The following UBASH3B variants were observed in gnomAD, a reference collection of about 807,000 sequenced individuals.
UBASH3B encodes the protein ubiquitin associated and SH3 domain containing B.
UBASH3B carries 37 observed loss-of-function variants against 83.4 expected under a neutral mutation model. That is an observed-to-expected ratio of 0.44 (90% CI 0.34 to 0.58). The LOEUF (loss-of-function observed/expected upper bound fraction) is 0.58. Ranked by LOEUF, UBASH3B falls within the 20% of genes least tolerant of loss-of-function variation. The pLI is 0.01. For missense variants in UBASH3B, 657 were observed against 827.2 expected (o/e 0.79, Z 2.52); for synonymous variants, 304 against 318.3 (o/e 0.96, Z 0.48).
intron 1 of UBASH3B, among the ~76,000 whole-genome samples, chr11:122,744,559 T>G (rs1861080601): frequency 6.6e-6 from 1 of 151,910 alleles, no homozygotes; most frequent in African/African-American, 2.4e-5. Context: ...TGTCTAAGAG[T>G]GCCTGTGTGG....
chr11:122,716,033 C>T (rs1000635469), intron 1 of UBASH3B, among the ~76,000 whole-genome samples: 1 of 152,242 alleles, frequency 6.6e-6, no homozygotes. Flanking sequence ...GGATTAGAGG[C>T]AGCAGGGACT....
intron 1 of UBASH3B, among the ~76,000 whole-genome samples, chr11:122,690,283 CAT>C (rs886335245): frequency 2.5e-4 from 25 of 100,954 alleles, no homozygotes; most frequent in Admixed American, 1.6e-3. Flanking sequence ...TCCAATTATA[CAT>C]ATATATATCT....
chr11:122,736,870 T>G (rs1008090292), intron 1 of UBASH3B, among the ~76,000 whole-genome samples: 1 of 151,722 alleles, frequency 6.6e-6, no homozygotes, highest in Non-Finnish European at 1.5e-5. Flanking sequence ...GGCAACATAG[T>G]GAGACCCTCT....
Position 122,806,629 on chromosome 11 carries a change from T to C in UBASH3B, c.1702+113T>C, listed in dbSNP as rs574339429. 8 of 1,330,938 alleles carry C rather than the reference T, an allele frequency of 6.0e-6. No homozygotes were observed. The South Asian group carries it at 1.6e-4, about 27-fold the overall frequency. The allele number at this position is 1,330,938 out of a possible 1,614,324, so 82.4% of individuals were successfully genotyped here. ...CTTTGGCTAACCAAAGAAATGTATT[T>C]CCAGATTTTCTTCCAGATACTTTTA... is the stretch of plus-strand genomic sequence containing the variant. On this transcript the variant is annotated intron_variant, in intron 12 of 13. Transcript: ENST00000284273. The surrounding 1 kb of genome is among the most constrained non-coding windows in gnomAD (Gnocchi z 4.0).
intron 1 of UBASH3B, among the ~76,000 whole-genome samples, chr11:122,680,128 A>G (rs1328850011): frequency 6.6e-6 from 1 of 151,824 alleles, no homozygotes; most frequent in East Asian, 2.0e-4. Context: ...ACCATGCCCA[A>G]CCAATTATTT....
intron 1 of UBASH3B, among the ~76,000 whole-genome samples, chr11:122,748,431 G>A (rs773528914): frequency 2.0e-5 from 3 of 152,124 alleles, no homozygotes; most frequent in Non-Finnish European, 4.4e-5. Context: ...ACGGGCACGC[G>A]CCATCCCAGC....
intron 1 of UBASH3B, among the ~76,000 whole-genome samples, chr11:122,737,448 G>GT (rs914103703): frequency 4.4e-4 from 67 of 152,106 alleles, no homozygotes; most frequent in Non-Finnish European, 1.3e-4. Context: ...AAAGAGAGAA[G>GT]TCAAGGATGG....
At chr11:122,749,503 G>T (rs1187074820) in intron 1 of UBASH3B, among the ~76,000 whole-genome samples, 2 of 152,194 alleles carry the variant, frequency 1.3e-5, no homozygotes, top group East Asian at 3.8e-4. Flanking sequence ...CATTGAGTCT[G>T]TAAAAACCTC....
At chr11:122,808,552 C>T (rs1240882406) in intron 13 of UBASH3B, among the ~76,000 whole-genome samples, 2 of 152,154 alleles carry the variant, frequency 1.3e-5, no homozygotes, top group East Asian at 3.9e-4. Flanking sequence ...AACACAGGTC[C>T]TTGAAGGTAG....
chr11:122,731,912 G>A (rs1025214271), intron 1 of UBASH3B, among the ~76,000 whole-genome samples: 3 of 152,120 alleles, frequency 2.0e-5, no homozygotes, highest in African/African-American at 7.2e-5. Context: ...TCTTCCCATG[G>A]CCACGTTCTT....
Position 122,759,440 on chromosome 11 carries a change from A to C in UBASH3B, c.162-16779A>C, listed in dbSNP as rs1861334168. ...TTTGGGGATGATTCAAGTGCATTAC[A>C]TTTATTGTGCACTTTATTCCTATTA... On this transcript the variant is annotated intron_variant, in intron 1 of 13. Coordinates refer to ENST00000284273, the MANE Select transcript of UBASH3B (RefSeq NM_032873.5). The surrounding 1 kb of genome is among the most constrained non-coding windows in gnomAD (Gnocchi z 4.1). 6.6e-6 allele frequency among the ~76,000 whole-genome samples: 1 copy of C among 152,190 alleles called. No individual in the cohort carries two copies. Among genetic ancestry groups the C allele is most frequent in the Non-Finnish European group, 1.5e-5 (1 of 68,020 alleles).
chr11:122,779,221 G>T (rs1860802057), intron 3 of UBASH3B, among the ~76,000 whole-genome samples: 1 of 152,158 alleles, frequency 6.6e-6, no homozygotes. Context: ...GGCTCAACCA[G>T]TCCTGCAGCA....
intron 1 of UBASH3B, among the ~76,000 whole-genome samples, chr11:122,757,054 C>T (rs1336803926): frequency 6.6e-6 from 1 of 152,198 alleles, no homozygotes; most frequent in Non-Finnish European, 1.5e-5. Flanking sequence ...AATATCGTAT[C>T]TTAATATATA....
intron 5 of UBASH3B, among the ~76,000 whole-genome samples, chr11:122,788,686 G>C (rs1194884030): frequency 6.6e-6 from 1 of 151,972 alleles, no homozygotes; most frequent in Non-Finnish European, 1.5e-5. Flanking sequence ...TGTAACCCCC[G>C]TATGGAAGAC....
chr11:122,710,134 C>T (rs893819634), intron 1 of UBASH3B, among the ~76,000 whole-genome samples: 11 of 134,884 alleles, frequency 8.2e-5, no homozygotes, highest in East Asian at 4.3e-4. Flanking sequence ...CCAGCCTGGG[C>T]GACAGAGTGA....
intron 11 of UBASH3B, among the ~76,000 whole-genome samples, chr11:122,805,138 C>A (rs1591333012): frequency 6.6e-6 from 1 of 152,192 alleles, no homozygotes; most frequent in Non-Finnish European, 1.5e-5. Flanking sequence ...CTGGGGAAGC[C>A]TCACAATCAT....
chr11:122,737,095 G>A (rs768049822), intron 1 of UBASH3B, among the ~76,000 whole-genome samples: 6 of 152,080 alleles, frequency 3.9e-5, no homozygotes, highest in Non-Finnish European at 7.4e-5. Flanking sequence ...TAATGTTGCC[G>A]GAAGAGGGTA....
At chr11:122,722,267 A>G (rs1860651254) in intron 1 of UBASH3B, among the ~76,000 whole-genome samples, 1 of 152,160 alleles carries the variant, frequency 6.6e-6, no homozygotes, top group South Asian at 2.1e-4. Flanking sequence ...GCCTTGCAAG[A>G]CTTTGACTTA....
intron 1 of UBASH3B, among the ~76,000 whole-genome samples, chr11:122,688,670 A>T (rs1439348611): frequency 7.9e-6 from 1 of 126,754 alleles, no homozygotes. Context: ...TTTGAGACGG[A>T]GGCTTGCTCT....
Sources: gnomAD v4.1 joint callset for allele counts (sites outside exome capture counted in the v4.1 genomes callset) on GRCh38, gnomAD v4.1.1 for gene constraint, Gnocchi (gnomAD v3.1) non-coding constraint, MANE v1.5 for transcripts, NCBI Gene and HGNC (gene_info 2026-07-23, HGNC 2026-07-21) for gene names.